The following BCL2L15 variants were observed in gnomAD, a reference collection of about 807,000 sequenced individuals.
The protein encoded by BCL2L15 is bcl-2-like protein 15.
BCL2L15 carries 15 observed loss-of-function variants against 18.3 expected under a neutral mutation model. The observed-to-expected ratio is 0.82, with a 90% CI of 0.55 to 1.26. The LOEUF (loss-of-function observed/expected upper bound fraction) is 1.26, where lower values mean the gene tolerates loss of function less well. BCL2L15 is among the 50% of genes most tolerant of loss of function. The pLI, the probability that BCL2L15 is intolerant of heterozygous loss-of-function variation, is 0.00. For missense variants in BCL2L15, 180 were observed against 201.7 expected, an observed-to-expected ratio of 0.89 and a Z score of 0.65; for synonymous variants, 58 against 68.5, an observed-to-expected ratio of 0.85 and a Z score of 0.76.
Position 113,878,791 on chromosome 1 carries a change from T to A in BCL2L15, c.*2332A>T, listed in dbSNP as rs1035370918. On this transcript the variant is annotated 3_prime_UTR_variant, in exon 4 of 4. Coordinates refer to ENST00000393316, the MANE Select transcript of BCL2L15 (RefSeq NM_001010922.3). ...CTAAAGAGAAACAGGACACATCATT[T>A]ATGGATTACTAACTTGTTGTGATTT... The A allele has an allele frequency of 6.6e-6, 1 of 152,320 alleles. No homozygotes were observed. The highest frequency in any genetic ancestry group is 1.5e-5 in the Non-Finnish European group (1 of 68,030). 9.4% of individuals were successfully genotyped at this position (152,320 alleles called of 1,614,324 possible).
At chr1:113,884,947 A>G (rs1256021502) in intron 2 of BCL2L15, among the ~76,000 whole-genome samples, 1 of 151,256 alleles carries the variant, frequency 6.6e-6, no homozygotes, top group Non-Finnish European at 1.5e-5. Context: ...TAATTTTTGT[A>G]TTTGTATTTA....
chr1:113,886,685 C>T, intron 1 of BCL2L15, 27 bp from the exon 2 acceptor site: 1 of 1,574,096 alleles, frequency 6.4e-7, no homozygotes, highest in Non-Finnish European at 8.6e-7. Context: ...ACATTTGTTA[C>T]AATGCTTGAA....
rs747601726 is a variant in BCL2L15, at chr1:113,881,973, CA to C, written c.273del (p.Val92TrpfsTer15). On this transcript the variant is annotated frameshift_variant, in exon 3 of 4. Transcript: ENST00000393316. LOFTEE classifies it high-confidence loss of function. ...KGQTGAILQDTVESLSKTWCA... is the reference protein window; with the variant it reads ...KGQTGAILQDXVESLSKTWCA... ...CACCAGGTCTTGCTGAGAGATTCCACAGTGTCCTGGAGTATAGCTCCTGTCT... is the reference window on the plus strand; with the variant it reads ...CACCAGGTCTTGCTGAGAGATTCCACGTGTCCTGGAGTATAGCTCCTGTCT... The C allele has an allele frequency of 6.2e-7, 1 of 1,613,940 alleles. No individual in the cohort carries two copies. The highest frequency in any genetic ancestry group is 8.5e-7 in the Non-Finnish European group (1 of 1,179,838).
intron 2 of BCL2L15, among the ~76,000 whole-genome samples, chr1:113,885,628 G>A (rs1237637045): frequency 2.0e-5 from 3 of 152,176 alleles, no homozygotes; most frequent in Admixed American, 6.5e-5. Flanking sequence ...CTCCATGTTG[G>A]CCAGGCTGGT....
chr1:113,886,509 A>C, intron 2 of BCL2L15, 28 bp downstream of exon 2: 1 of 1,591,532 alleles, frequency 6.3e-7, no homozygotes, highest in Non-Finnish European at 8.5e-7. Context: ...AAAAAGCAGC[A>C]AACAATAGCA....
chr1:113,885,564 G>A (rs183333642), intron 2 of BCL2L15, among the ~76,000 whole-genome samples: 182 of 152,296 alleles, frequency 1.2e-3, no homozygotes, highest in African/African-American at 4.1e-3. Context: ...TGGGATTACA[G>A]GCATGGGCCA....
In BCL2L15 at chr1:113,887,410, G is replaced by A. The variant is rs778938769; in HGVS notation, c.-35C>T. ...TTGCTGTCAAGTTTTGCTTTTCCAC[G>A]AAACAAGCAGTTTTCAGCCCAGCAG... On this transcript the variant is annotated 5_prime_UTR_variant, in exon 1 of 4. Coordinates refer to ENST00000393316, the MANE Select transcript of BCL2L15 (RefSeq NM_001010922.3). The A allele has an allele frequency of 5.6e-6, 9 of 1,613,032 alleles. No homozygotes were observed. The highest frequency in any genetic ancestry group is 7.6e-6 in the Non-Finnish European group (9 of 1,179,440).
At chr1:113,885,229 TACAGGCATG>T (rs1363351720) in intron 2 of BCL2L15, among the ~76,000 whole-genome samples, 1 of 151,314 alleles carries the variant, frequency 6.6e-6, no homozygotes, top group Non-Finnish European at 1.5e-5. Context: ...GTGCTGGGAT[TACAGGCATG>T]AGCCACAGCA....
At chr1:113,882,889 A>C (rs973411331) in intron 2 of BCL2L15, among the ~76,000 whole-genome samples, 2 of 152,044 alleles carry the variant, frequency 1.3e-5, no homozygotes, top group Admixed American at 1.3e-4. Flanking sequence ...AGAGTGAGCT[A>C]TCATTGAGCC....
intron 2 of BCL2L15, among the ~76,000 whole-genome samples, chr1:113,885,124 T>C (rs951726824): frequency 3.0e-4 from 45 of 151,940 alleles, no homozygotes; most frequent in African/African-American, 1.1e-3. Flanking sequence ...CCCAACTAAT[T>C]TTTGTATTAT....
In BCL2L15 at chr1:113,886,953, A is replaced by G. The variant is rs570301071; in HGVS notation, c.128-295T>C. Among the ~76,000 whole-genome samples the G allele has an allele frequency of 3.3e-5, 5 of 151,070 alleles. No individual in the cohort carries two copies. In the South Asian group the frequency reaches 1.0e-3, roughly 32 times the overall value. On this transcript the variant is annotated intron_variant, in intron 1 of 3. Transcript: ENST00000393316. Reference sequence around the variant, plus strand: ...GTCTCTGTCGCCCAGACTGGAGTGCAGTGGCGTGATCTCAGCTCACTGCAA... The same window carrying G: ...GTCTCTGTCGCCCAGACTGGAGTGCGGTGGCGTGATCTCAGCTCACTGCAA...
At position 113,881,074 on chromosome 1, in the gene BCL2L15, A is replaced by G. The variant is rs370515311; in HGVS notation, c.*49T>C. 3.1e-6 allele frequency: 5 copies of G among 1,613,616 alleles called. No individual in the cohort carries two copies. The highest frequency in any genetic ancestry group is 2.2e-5 in the East Asian group (1 of 44,870). On this transcript the variant is annotated 3_prime_UTR_variant, in exon 4 of 4. Transcript: ENST00000393316. ...TGAATTCCCAGGAATCAATCACCCAATCAGTCAACAAGGAAGTGATGTTCA... is the reference window on the plus strand; with the variant it reads ...TGAATTCCCAGGAATCAATCACCCAGTCAGTCAACAAGGAAGTGATGTTCA...
At chr1:113,884,819 G>C (rs1666979481) in intron 2 of BCL2L15, among the ~76,000 whole-genome samples, 1 of 151,542 alleles carries the variant, frequency 6.6e-6, no homozygotes, top group African/African-American at 2.4e-5. Flanking sequence ...CTGTCGCCCA[G>C]ATTGGAGTAC....
intron 2 of BCL2L15, among the ~76,000 whole-genome samples, chr1:113,885,101 G>A (rs147668881): frequency 5.9e-5 from 9 of 151,990 alleles, no homozygotes; most frequent in Middle Eastern, 3.4e-3. Flanking sequence ...GATTACAGGT[G>A]TGTGCCACCA....
chr1:113,884,998 T>A (rs1013962464), intron 2 of BCL2L15, among the ~76,000 whole-genome samples: 1 of 151,760 alleles, frequency 6.6e-6, no homozygotes, highest in African/African-American at 2.4e-5. Flanking sequence ...GTTGCCCAGG[T>A]TGGAGTGCAG....
rs368105653 is a variant in BCL2L15 at position 113,886,615 on chromosome 1, A to T, written c.171T>A (p.Leu57=). 10 of 1,613,184 alleles carry T rather than the reference A, an allele frequency of 6.2e-6. No homozygotes were observed. The highest frequency in any genetic ancestry group is 1.3e-5 in the African/African-American group (1 of 74,856). Residue 57 remains leucine (L), a synonymous_variant, in exon 2 of 4, where the codon CTT becomes CTA. Transcript: ENST00000393316. ...CGTTGAACTGGTCACCCAACATCCG[A>T]AGGCGACCAGCAATGATAGCCACAT... The part of the protein sequence containing the change: ...SFDVAIIAGR[L]RMLGDQFNGE...
chr1:113,881,579 C>T, intron 3 of BCL2L15, 194 bp downstream of exon 3: 1 of 1,419,608 alleles, frequency 7.0e-7, no homozygotes, highest in East Asian at 2.5e-5. Flanking sequence ...TGACTCGAGT[C>T]CAACATCCAC....
chr1:113,879,993 A>C lies in BCL2L15; in HGVS notation c.*1130T>G, dbSNP rs1300197168. 2 of 152,190 alleles carry C rather than the reference A, an allele frequency of 1.3e-5. No homozygotes were observed. Among genetic ancestry groups the C allele is most frequent in the African/African-American group, 4.8e-5 (2 of 41,448 alleles). The allele number at this position is 152,190 out of a possible 1,614,324, so 9.4% of individuals were successfully genotyped here. A position where few individuals can be genotyped will look rare whatever the true frequency, so the allele number is the denominator to read the frequency against. On this transcript the variant is annotated 3_prime_UTR_variant, in exon 4 of 4. Coordinates refer to ENST00000393316, the MANE Select transcript of BCL2L15 (RefSeq NM_001010922.3). ...AAGGTAGGTTCCTAGGCTCCAGCCTACCCCTACAGAATCAGAATCTCTAGG... is the reference window on the plus strand; with the variant it reads ...AAGGTAGGTTCCTAGGCTCCAGCCTCCCCCTACAGAATCAGAATCTCTAGG...
intron 2 of BCL2L15, among the ~76,000 whole-genome samples, chr1:113,884,352 T>C (rs1025783343): frequency 1.3e-5 from 2 of 152,192 alleles, no homozygotes; most frequent in Non-Finnish European, 2.9e-5. Flanking sequence ...AGATAGACCA[T>C]AGTCTTCAAG....
Sources: gnomAD v4.1 joint callset for allele counts (sites outside exome capture counted in the v4.1 genomes callset) on GRCh38, gnomAD v4.1.1 for gene constraint, MANE v1.5 for transcripts, NCBI Gene and HGNC (gene_info 2026-07-23, HGNC 2026-07-21) for gene names.